Variants in ZNF804A observed in about 807,000 individuals in gnomAD.
The protein encoded by ZNF804A is zinc finger protein 804A.
A neutral mutation model predicts 16.5 loss-of-function variants in ZNF804A; 2 were observed. That is an observed-to-expected ratio of 0.12 (90% CI 0.05 to 0.38). ZNF804A has a LOEUF of 0.38. Ranked by LOEUF, ZNF804A falls within the 10% of genes least tolerant of loss-of-function variation. The pLI is 0.99. For missense variants in ZNF804A, 1,473 were observed against 1,390.7 expected, an observed-to-expected ratio of 1.06 and a Z score of -0.94; for synonymous variants, 534 against 489.6, an observed-to-expected ratio of 1.09 and a Z score of -1.20.
chr2:184,632,742 T>C (rs192511289), intron 1 of ZNF804A, among the ~76,000 whole-genome samples: 31 of 152,300 alleles, frequency 2.0e-4, no homozygotes, highest in Admixed American at 5.2e-4. Flanking sequence ...ATATTCCCTT[T>C]CTAAACCTCA....
rs917735310 is a variant in ZNF804A, at chr2:184,665,311, C to A, written c.111+66241C>A. The stretch of plus-strand genomic sequence containing the variant: ...GATCATGAAGATGCCCATGGATATG[C>A]CATAATATACAGGACACCATCCCTT... On this transcript the variant is annotated intron_variant, in intron 1 of 3. Coordinates refer to ENST00000302277, the MANE Select transcript of ZNF804A (RefSeq NM_194250.2). 5.9e-5 allele frequency among the ~76,000 whole-genome samples: 9 copies of A among 152,116 alleles called. No individual in the cohort carries two copies. The East Asian group carries it at 1.5e-3, about 26-fold the overall frequency.
rs538344051 is a variant in ZNF804A, at chr2:184,649,377, AAAAC to A, written c.111+50310_111+50313del. On this transcript the variant is annotated intron_variant, in intron 1 of 3. Transcript: ENST00000302277. ...TAACATTACATTCAGAGGAACTAGAAAAACAAGGAGAAACTAACCCCAAAGCTAC... is the reference window on the plus strand; with the variant it reads ...TAACATTACATTCAGAGGAACTAGAAAAGGAGAAACTAACCCCAAAGCTAC... Among the ~76,000 whole-genome samples, 783 of 152,274 alleles carry A rather than the reference AAAAC, an allele frequency of 5.1e-3. 6 individuals carry two copies. The highest frequency in any genetic ancestry group is 0.01 in the Middle Eastern group (3 of 294).
chr2:184,794,676 A>C (rs1218907502), intron 1 of ZNF804A, among the ~76,000 whole-genome samples: 1 of 152,178 alleles, frequency 6.6e-6, no homozygotes, highest in Admixed American at 6.6e-5. Context: ...TGTTGAATGT[A>C]AGCGGCCTAA....
chr2:184,729,586 A>G (rs1397863868), intron 1 of ZNF804A, among the ~76,000 whole-genome samples: 7 of 152,074 alleles, frequency 4.6e-5, no homozygotes, highest in Admixed American at 3.9e-4. Context: ...TGAAAATCAT[A>G]TTGCTGTGCA....
intron 1 of ZNF804A, among the ~76,000 whole-genome samples, chr2:184,772,773 C>T (rs961675046): frequency 4.6e-5 from 7 of 151,352 alleles, no homozygotes; most frequent in Non-Finnish European, 1.0e-4. Flanking sequence ...ATATCCTTAC[C>T]AACCTTTCCC....
intron 1 of ZNF804A, among the ~76,000 whole-genome samples, chr2:184,664,963 C>T (rs1187724953): frequency 2.0e-5 from 3 of 152,132 alleles, no homozygotes; most frequent in African/African-American, 4.8e-5. Flanking sequence ...CCTAGAGTAT[C>T]TCTAAAATCT....
chr2:184,886,491 C>A (rs1446177466), intron 2 of ZNF804A, among the ~76,000 whole-genome samples: 5 of 152,234 alleles, frequency 3.3e-5, no homozygotes, highest in Non-Finnish European at 5.9e-5. Context: ...CCAGTAGGGA[C>A]ACCGTGTGGG....
intron 1 of ZNF804A, among the ~76,000 whole-genome samples, chr2:184,809,034 A>T (rs1161425118): frequency 1.3e-5 from 2 of 151,804 alleles, no homozygotes; most frequent in East Asian, 3.9e-4. Flanking sequence ...CTAATGAAAA[A>T]TTTTTTGTAT....
intron 2 of ZNF804A, among the ~76,000 whole-genome samples, chr2:184,909,987 A>T (rs1685331650): frequency 6.6e-6 from 1 of 151,914 alleles, no homozygotes; most frequent in Non-Finnish European, 1.5e-5. Flanking sequence ...TAGAGTTTTT[A>T]ATTTTTTATA....
intron 2 of ZNF804A, among the ~76,000 whole-genome samples, chr2:184,867,500 G>T (rs940893249): frequency 6.6e-6 from 1 of 151,960 alleles, no homozygotes; most frequent in Non-Finnish European, 1.5e-5. Flanking sequence ...TCCTGCAGTC[G>T]TTCATACCAA....
At chr2:184,612,929 C>A (rs1314961322) in intron 1 of ZNF804A, among the ~76,000 whole-genome samples, 1 of 152,156 alleles carries the variant, frequency 6.6e-6, no homozygotes, top group African/African-American at 2.4e-5. Flanking sequence ...ACACACAGAT[C>A]TTTGTGCAAC....
At chr2:184,844,297 T>A (rs1695481395) in intron 1 of ZNF804A, among the ~76,000 whole-genome samples, 1 of 152,014 alleles carries the variant, frequency 6.6e-6, no homozygotes, top group Non-Finnish European at 1.5e-5. Context: ...ATTAAGATTC[T>A]GAAAAAATAA....
In ZNF804A at chr2:184,599,017, A is replaced by T; in HGVS notation, c.58A>T (p.Asn20Tyr). 6.2e-7 allele frequency: 1 copy of T among 1,614,126 alleles called. No homozygotes were observed. Among genetic ancestry groups the T allele is most frequent in the Non-Finnish European group, 8.5e-7 (1 of 1,179,978 alleles). Residue 20 changes from asparagine to tyrosine, a missense_variant, in exon 1 of 4, where the codon AAC becomes TAC. Physicochemically the swap from Asn to Tyr is moderately radical, Grantham distance 143 (BLOSUM62 -2). Transcript: ENST00000302277. ...GCATCTCAGCAACGGACACTTTCGCAACATCAAGGGAGTTTTCCGGGGCCC... is the reference window on the plus strand; with the variant it reads ...GCATCTCAGCAACGGACACTTTCGCTACATCAAGGGAGTTTTCCGGGGCCC... The part of the protein sequence containing the change: ...STHLSNGHFR[N>Y]IKGVFRGPLS...
At chr2:184,861,919 G>T (rs111478672) in intron 1 of ZNF804A, among the ~76,000 whole-genome samples, 14 of 152,246 alleles carry the variant, frequency 9.2e-5, no homozygotes, top group South Asian at 4.1e-4. Flanking sequence ...GAAGGTATAT[G>T]CATACTGCTT....
At chr2:184,879,665 AATTTAGGG>A (rs1365666031) in intron 2 of ZNF804A, among the ~76,000 whole-genome samples, 1 of 151,966 alleles carries the variant, frequency 6.6e-6, no homozygotes, top group African/African-American at 2.4e-5. Flanking sequence ...GGAAATCAGA[AATTTAGGG>A]ATTTGAGAAA....
intron 1 of ZNF804A, among the ~76,000 whole-genome samples, chr2:184,796,557 T>A (rs777050068): frequency 1.1e-4 from 17 of 152,194 alleles, no homozygotes; most frequent in Non-Finnish European, 1.5e-4. Flanking sequence ...ATTTCAGTAG[T>A]GTCAAAGAAC....
In ZNF804A at chr2:184,601,711, AC is replaced by A. The variant is rs1344848546; in HGVS notation, c.111+2643del. Among the ~76,000 whole-genome samples the A allele has an allele frequency of 3.9e-5, 6 of 151,942 alleles. No individual in the cohort carries two copies. In the East Asian group the frequency reaches 9.7e-4, roughly 24 times the overall value. ...CACATTTTTGTATTTTGAATCGTGT[AC>A]CAAGTTCTAAGGATTTTAATAATAT... On this transcript the variant is annotated intron_variant, in intron 1 of 3. Coordinates refer to ENST00000302277, the MANE Select transcript of ZNF804A (RefSeq NM_194250.2).
chr2:184,890,848 A>T (rs1396675016), intron 2 of ZNF804A, among the ~76,000 whole-genome samples: 1 of 150,700 alleles, frequency 6.6e-6, no homozygotes, highest in Non-Finnish European at 1.5e-5. Context: ...ATTACATATT[A>T]TATATAACAT....
At chr2:184,722,142 A>G (rs565279066) in intron 1 of ZNF804A, among the ~76,000 whole-genome samples, 1 of 152,062 alleles carries the variant, frequency 6.6e-6, no homozygotes, top group Admixed American at 6.6e-5. Flanking sequence ...ATTTTGACGT[A>G]AAAAAAGCTT....
Sources: allele counts gnomAD v4.1 joint callset (sites outside exome capture counted in the v4.1 genomes callset), GRCh38; gene constraint gnomAD v4.1.1; transcripts MANE v1.5; gene names NCBI Gene and HGNC (gene_info 2026-07-23, HGNC 2026-07-21).